The following ARL14EP variants were observed in gnomAD, a reference collection of about 807,000 sequenced individuals.
ARL14EP encodes ARF like GTPase 14 effector protein, also known as ARL14 effector protein.
ARL14EP carries 12 observed loss-of-function variants against 23.1 expected under a neutral mutation model. The observed-to-expected ratio is 0.52, with a 90% CI of 0.33 to 0.84. ARL14EP has a LOEUF of 0.84. Ranked by LOEUF, ARL14EP falls within the 40% of genes least tolerant of loss-of-function variation. ARL14EP has a pLI of 0.02. For synonymous variants in ARL14EP, 97 were observed against 102.0 expected (o/e 0.95, Z 0.29); for missense variants, 253 against 307.3 (o/e 0.82, Z 1.32).
At chr11:30,333,231 G>C (rs150949018) in intron 3 of ARL14EP, among the ~76,000 whole-genome samples, 1 of 152,150 alleles carries the variant, frequency 6.6e-6, no homozygotes, top group East Asian at 1.9e-4. Context: ...TTTGGCATGA[G>C]AGTTAAAATA....
chr11:30,323,353 C>T (rs1391864814), intron 1 of ARL14EP, among the ~76,000 whole-genome samples, 151 bp downstream of exon 1: 3 of 152,238 alleles, frequency 2.0e-5, no homozygotes, highest in East Asian at 1.9e-4. Flanking sequence ...AGCTGCTGGC[C>T]GGGGCCTCTC....
chr11:30,327,071 C>A (rs1947241178), intron 1 of ARL14EP, among the ~76,000 whole-genome samples: 1 of 152,164 alleles, frequency 6.6e-6, no homozygotes, highest in Non-Finnish European at 1.5e-5. Context: ...AAGTAGAGAT[C>A]TTTGGTGCTA....
At chr11:30,334,318 C>T (rs1947314542) in intron 3 of ARL14EP, among the ~76,000 whole-genome samples, 2 of 149,626 alleles carry the variant, frequency 1.3e-5, no homozygotes, top group Admixed American at 6.7e-5. Flanking sequence ...TGCGTTCAAG[C>T]GATTCTTCTG....
intron 1 of ARL14EP, chr11:30,330,208 T>A (rs904691402): frequency 1.2e-4 from 18 of 152,266 alleles, no homozygotes; most frequent in Admixed American, 1.2e-3. Flanking sequence ...ACCAATACCA[T>A]AGTTTTAATT....
At chr11:30,325,303 AG>A (rs1947228282) in intron 1 of ARL14EP, among the ~76,000 whole-genome samples, 1 of 152,202 alleles carries the variant, frequency 6.6e-6, no homozygotes, top group African/African-American at 2.4e-5. Context: ...TGTAGGGCCA[AG>A]CAGATCAGCA....
In ARL14EP at chr11:30,332,860, C is replaced by A. The variant is rs145144020; in HGVS notation, c.427-6C>A. The A allele has an allele frequency of 8.1e-4, 1,306 of 1,612,606 alleles. 14 individuals carry two copies. The African/African-American group carries it at 0.016, about 20-fold the overall frequency. On this transcript the variant is annotated splice_region_variant and splice_polypyrimidine_tract_variant and intron_variant, in intron 2 of 3. Coordinates refer to ENST00000282032, the MANE Select transcript of ARL14EP (RefSeq NM_152316.3). ...TTGAGTTGATAATTTGTTTACCTTT[C>A]TTCAGGGAAGAACTGCTAAAGCTTT...
At chr11:30,332,150 G>A (rs1947290123) in intron 2 of ARL14EP, among the ~76,000 whole-genome samples, 1 of 151,550 alleles carries the variant, frequency 6.6e-6, no homozygotes, top group African/African-American at 2.4e-5. Flanking sequence ...TCTTACTGCT[G>A]GAATATTTTT....
chr11:30,331,200 A>G lies in ARL14EP; in HGVS notation c.252A>G (p.Lys84=), dbSNP rs1449804440. The part of the protein sequence containing the change: ...SCCDPFNIHK[K]LAKKNLHVID... Reference sequence around the variant, plus strand: ...GTGACCCATTTAACATACACAAGAAATTAGCCAAAAAAAATTTGCATGTAA... The same window carrying G: ...GTGACCCATTTAACATACACAAGAAGTTAGCCAAAAAAAATTTGCATGTAA... The change falls in exon 2 of 4, where the codon AAA becomes AAG. Residue 84 remains lysine (K), a synonymous_variant. Transcript: ENST00000282032. The G allele has an allele frequency of 1.1e-5, 17 of 1,613,834 alleles. No homozygotes were observed. The highest frequency in any genetic ancestry group is 1.4e-5 in the Non-Finnish European group (17 of 1,179,876).
At chr11:30,333,455 G>A (rs1352582477) in intron 3 of ARL14EP, among the ~76,000 whole-genome samples, 1 of 151,904 alleles carries the variant, frequency 6.6e-6, no homozygotes, top group Admixed American at 6.6e-5. Context: ...GGTAATTATT[G>A]CAATATTTCC....
intron 1 of ARL14EP, 149 bp from the exon 2 acceptor site, chr11:30,330,737 G>T: frequency 1.9e-6 from 1 of 529,388 alleles, no homozygotes; most frequent in Non-Finnish European, 3.4e-6. Context: ...GCTTCTGTTT[G>T]ATTATTAAAT....
At chr11:30,333,027 G>A (rs760606587) in intron 3 of ARL14EP, 34 bp downstream of exon 3, 1 of 1,609,422 alleles carries the variant, frequency 6.2e-7, no homozygotes, top group Non-Finnish European at 8.5e-7. Context: ...ATGTTAACTT[G>A]CTGCTTCACA....
intron 1 of ARL14EP, chr11:30,329,872 A>C (rs1007709733): frequency 7.9e-5 from 12 of 152,056 alleles, no homozygotes; most frequent in African/African-American, 2.9e-4. Flanking sequence ...AGTTATACAG[A>C]AATGTGTAAA....
intron 3 of ARL14EP, among the ~76,000 whole-genome samples, chr11:30,334,208 CTTT>C (rs36111177): frequency 0.067 from 5,704 of 84,882 alleles, 71 homozygotes; most frequent in African/African-American, 0.14. Context: ...GACCAGCCTT[CTTT>C]TTTTTTTTTT....
intron 2 of ARL14EP, 164 bp downstream of exon 2, chr11:30,331,538 C>T: frequency 1.4e-6 from 2 of 1,457,498 alleles, no homozygotes; most frequent in Non-Finnish European, 1.8e-6. Context: ...TTCACATATA[C>T]TGAAGGTCAA....
intron 3 of ARL14EP, among the ~76,000 whole-genome samples, chr11:30,335,214 G>A (rs962719589): frequency 6.6e-6 from 1 of 152,180 alleles, no homozygotes; most frequent in African/African-American, 2.4e-5. Flanking sequence ...ATGTGACTGA[G>A]TTATTGCAAT....
chr11:30,327,947 G>A (rs1005642806), intron 1 of ARL14EP: 1 of 114,834 alleles, frequency 8.7e-6, no homozygotes, highest in Middle Eastern at 4.2e-3. Context: ...CTGCACTCTA[G>A]CCTGGGCGAC....
intron 2 of ARL14EP, chr11:30,331,807 T>TA: frequency 1.5e-5 from 15 of 992,992 alleles, no homozygotes; most frequent in Non-Finnish European, 1.8e-5. Context: ...AGAGGTGACT[T>TA]ACAGTAATTG....
chr11:30,335,826 A>G (rs1171371011), intron 3 of ARL14EP, among the ~76,000 whole-genome samples: 1 of 151,646 alleles, frequency 6.6e-6, no homozygotes, highest in African/African-American at 2.4e-5. Flanking sequence ...GGTGGTCTGG[A>G]ACCAAACCCA....
chr11:30,331,207 A>C lies in ARL14EP; in HGVS notation c.259A>C (p.Lys87Gln). The C allele has an allele frequency of 6.2e-7, 1 of 1,612,924 alleles. No individual in the cohort carries two copies. Among genetic ancestry groups the C allele is most frequent in the Non-Finnish European group, 8.5e-7 (1 of 1,179,108 alleles). The change falls in exon 2 of 4, where the codon AAA (lysine) becomes CAA (glutamine). Residue 87 changes from lysine to glutamine, a missense_variant. By Grantham distance (53) the Lys-to-Gln change is moderately conservative. Transcript: ENST00000282032. The stretch of plus-strand genomic sequence containing the variant: ...ATTTAACATACACAAGAAATTAGCC[A>C]AAAAAAATTTGCATGTAATTGACTT... ...DPFNIHKKLA[K>Q]KNLHVIDLDD...
Sources: allele counts gnomAD v4.1 joint callset (sites outside exome capture counted in the v4.1 genomes callset), GRCh38; gene constraint gnomAD v4.1.1; transcripts MANE v1.5; gene names NCBI Gene and HGNC (gene_info 2026-07-23, HGNC 2026-07-21).